The following PLEKHS1 variants were observed in gnomAD, a reference collection of about 807,000 sequenced individuals.
PLEKHS1 encodes pleckstrin homology domain-containing family S member 1.
In PLEKHS1, 55 loss-of-function variants were observed where a neutral mutation model predicts 51.0. That is an observed-to-expected ratio of 1.08 (90% confidence interval 0.87 to 1.35). PLEKHS1 has a LOEUF of 1.35. Among genes scored for constraint, PLEKHS1 ranks in the 40% most tolerant of loss-of-function variants. The pLI is 0.00. For synonymous variants in PLEKHS1, 153 were observed against 144.8 expected (o/e 1.06, Z -0.41); for missense variants, 398 against 423.0 (o/e 0.94, Z 0.52).
At chr10:113,783,159 G>A (rs1158494089), downstream of PLEKHS1, 3 of 151,816 alleles carry the variant, frequency 2.0e-5, no homozygotes, top group East Asian at 3.9e-4. Context: ...CACTAGAACC[G>A]GGAGGCGGAA....
At chr10:113,757,903 C>A (rs1365618951) in intron 2 of PLEKHS1, among the ~76,000 whole-genome samples, 2 of 152,198 alleles carry the variant, frequency 1.3e-5, no homozygotes, top group Admixed American at 1.3e-4. Flanking sequence ...AAAACACTTT[C>A]TTTTCATATC....
intron 7 of PLEKHS1, among the ~76,000 whole-genome samples, chr10:113,771,456 G>A (rs1034798276): frequency 9.2e-5 from 14 of 151,864 alleles, no homozygotes; most frequent in Non-Finnish European, 5.9e-5. Flanking sequence ...GGTGGATCAC[G>A]AGGTCAGGAG....
At chr10:113,776,839 C>T (rs1844689076) in intron 11 of PLEKHS1, among the ~76,000 whole-genome samples, 6 of 152,140 alleles carry the variant, frequency 3.9e-5, no homozygotes, top group Admixed American at 3.9e-4. Flanking sequence ...AAATCAGGTA[C>T]TCACACAATG....
intron 8 of PLEKHS1, among the ~76,000 whole-genome samples, chr10:113,772,781 C>T (rs895227165): frequency 6.6e-6 from 1 of 152,202 alleles, no homozygotes; most frequent in Non-Finnish European, 1.5e-5. Context: ...TTCAGTGAGG[C>T]TGCAACCTAG....
chr10:113,766,804 T>C, intron 4 of PLEKHS1, 86 bp downstream of exon 4: 7 of 1,063,950 alleles, frequency 6.6e-6, no homozygotes, highest in Non-Finnish European at 9.6e-6. Context: ...GAAATTTACA[T>C]AATTGACCAA....
At chr10:113,761,317 A>G (rs994931659) in intron 2 of PLEKHS1, among the ~76,000 whole-genome samples, 2 of 152,210 alleles carry the variant, frequency 1.3e-5, no homozygotes, top group Non-Finnish European at 2.9e-5. Flanking sequence ...TACAAGATAA[A>G]AAATGCCATT....
chr10:113,774,089 T>C, intron 8 of PLEKHS1, 138 bp from the exon 9 acceptor site: 2 of 573,250 alleles, frequency 3.5e-6, no homozygotes, highest in Non-Finnish European at 6.0e-6. Flanking sequence ...TTGGTTGATA[T>C]TTCTCAAATG....
At position 113,775,929 on chromosome 10, in the gene PLEKHS1, T is replaced by C. The variant is rs1844632549; in HGVS notation, c.1091+63T>C. 17 of 1,263,408 alleles carry C rather than the reference T, an allele frequency of 1.3e-5. No individual in the cohort carries two copies. The South Asian group carries it at 2.1e-4, about 16-fold the overall frequency. The allele number at this position is 1,263,408 out of a possible 1,614,324, so 78.3% of individuals were successfully genotyped here. A position where few individuals can be genotyped will look rare whatever the true frequency, so the allele number is the denominator to read the frequency against. Reference sequence around the variant, plus strand: ...GGCTGGAAGCTTTGAAGAGAACAATTACATCTTGAAACAGTGTATTTGGCA... The same window carrying C: ...GGCTGGAAGCTTTGAAGAGAACAATCACATCTTGAAACAGTGTATTTGGCA... On this transcript the variant is annotated intron_variant, in intron 11 of 11. Transcript: ENST00000361048.
intron 11 of PLEKHS1, among the ~76,000 whole-genome samples, chr10:113,778,896 G>A (rs1185653232): frequency 6.6e-6 from 1 of 152,200 alleles, no homozygotes; most frequent in Admixed American, 6.5e-5. Context: ...CTCCCAAAGT[G>A]CTGGGATTAC....
chr10:113,775,347 C>A (rs1238451419), intron 10 of PLEKHS1, among the ~76,000 whole-genome samples: 1 of 152,152 alleles, frequency 6.6e-6, no homozygotes, highest in Non-Finnish European at 1.5e-5. Flanking sequence ...TCAGTTTTCC[C>A]ATGAGTGTAA....
intron 1 of PLEKHS1, among the ~76,000 whole-genome samples, chr10:113,754,646 C>A (rs11196474): frequency 0.08 from 12,147 of 152,134 alleles, 652 homozygotes; most frequent in South Asian, 0.15. Context: ...CCACCACACC[C>A]GGCTAATTTT....
At chr10:113,780,558 A>G (rs771472680) in intron 11 of PLEKHS1, 44 bp from the exon 13 acceptor site, 2 of 1,564,974 alleles carry the variant, frequency 1.3e-6, no homozygotes, top group Admixed American at 3.3e-5. Context: ...ACAATCTTAA[A>G]GATAATCTTT....
In PLEKHS1 at chr10:113,774,134, A is replaced by T. The variant is rs1426662734; in HGVS notation, c.673-93A>T. 8.3e-6 allele frequency: 6 copies of T among 725,752 alleles called. No individual in the cohort carries two copies. The South Asian group carries it at 1.0e-4, about 13-fold the overall frequency. 45.0% of individuals were successfully genotyped at this position (725,752 alleles called of 1,614,324 possible). On this transcript the variant is annotated intron_variant, in intron 8 of 11. Transcript: ENST00000361048. ...TTCATCCACTGGAAACTGTACCTCT[A>T]TGTCAGAGCCCAGAGCTGTTAATAC...
intron 11 of PLEKHS1, chr10:113,778,002 A>G (rs1844749231): frequency 3.2e-6 from 1 of 309,778 alleles, no homozygotes; most frequent in African/African-American, 2.1e-5. Flanking sequence ...AAGAAAAACA[A>G]CAACAGACCA....
chr10:113,779,502 G>A (rs1468397375), intron 11 of PLEKHS1, among the ~76,000 whole-genome samples: 8 of 151,874 alleles, frequency 5.3e-5, no homozygotes, highest in South Asian at 2.1e-4. Context: ...CCCAGGAAGC[G>A]GAGGTTGCAG....
chr10:113,763,137 T>G (rs146286829), intron 2 of PLEKHS1, among the ~76,000 whole-genome samples: 2,634 of 152,254 alleles, frequency 0.017, 29 homozygotes, highest in Non-Finnish European at 0.03. Context: ...TAAGGGCATA[T>G]ATGTTTAAAT....
chr10:113,781,047 C>A, exon 12 of PLEKHS1: 1 of 475,852 alleles, frequency 2.1e-6, no homozygotes, highest in Admixed American at 3.2e-5. Context: ...CAGATTGGGT[C>A]AGTCCTTCAT....
rs930110988 is a variant in PLEKHS1 at position 113,775,100 on chromosome 10, T to G, written c.989+65T>G. 2.9e-6 allele frequency: 4 copies of G among 1,395,778 alleles called. No individual in the cohort carries two copies. In the Admixed American group the frequency reaches 9.2e-5, roughly 32 times the overall value. 86.5% of individuals were successfully genotyped at this position (1,395,778 alleles called of 1,614,324 possible). A position where few individuals can be genotyped will look rare whatever the true frequency, so the allele number is the denominator to read the frequency against. ...CAAGGCAGCCTCCCTCCCACTTTTT[T>G]TTTTAACTTAGAATTTAAATTTTAA... On this transcript the variant is annotated intron_variant, in intron 10 of 11. Transcript: ENST00000361048.
exon 10 of PLEKHS1, chr10:113,774,899 G>A (rs1361457294): frequency 6.2e-7 from 1 of 1,614,168 alleles, no homozygotes; most frequent in Non-Finnish European, 8.5e-7. Flanking sequence ...AGAGACCCAG[G>A]ATGGGGACCT....
Sources: allele counts gnomAD v4.1 joint callset (sites outside exome capture counted in the v4.1 genomes callset), GRCh38; gene constraint gnomAD v4.1.1; transcripts MANE v1.5; gene names NCBI Gene and HGNC (gene_info 2026-07-23, HGNC 2026-07-21).